The following AUTS2 variants were observed in gnomAD, a reference collection of about 807,000 sequenced individuals.
The protein encoded by AUTS2 is activator of transcription and developmental regulator AUTS2, also known as autism susceptibility gene 2 protein.
In AUTS2, 17 loss-of-function variants were observed where a neutral mutation model predicts 112.4. That is an observed-to-expected ratio of 0.15 (90% CI 0.10 to 0.23). The LOEUF is 0.23. AUTS2 is among the 10% of genes least tolerant of loss of function. The pLI is 1.00. For synonymous variants in AUTS2, 751 were observed against 702.7 expected, an observed-to-expected ratio of 1.07 and a Z score of -1.09; for missense variants, 1,510 against 1,701.6, an observed-to-expected ratio of 0.89 and a Z score of 1.98.
intron 1 of AUTS2, among the ~76,000 whole-genome samples, chr7:69,635,020 A>G (rs989775364): frequency 2.0e-5 from 3 of 147,920 alleles, no homozygotes; most frequent in Non-Finnish European, 4.5e-5. Flanking sequence ...TTTTCTTTTT[A>G]AAGAACTCAG....
intron 4 of AUTS2, among the ~76,000 whole-genome samples, chr7:70,328,199 C>T (rs760007072): frequency 2.0e-5 from 3 of 152,008 alleles, no homozygotes; most frequent in Non-Finnish European, 4.4e-5. Context: ...AACTAAAATA[C>T]AGGGGTGTTT....
chr7:69,936,182 C>T (rs1796402184), intron 2 of AUTS2, among the ~76,000 whole-genome samples: 1 of 152,174 alleles, frequency 6.6e-6, no homozygotes, highest in African/African-American at 2.4e-5. Flanking sequence ...CCACATTCAG[C>T]CAATAGCATA....
intron 6 of AUTS2, among the ~76,000 whole-genome samples, chr7:70,710,015 G>A (rs1442610030): frequency 1.3e-5 from 2 of 152,106 alleles, no homozygotes; most frequent in Admixed American, 6.5e-5. Context: ...AAGGTATTAC[G>A]GTATTAACCT....
chr7:69,973,006 AT>A (rs1797917537), intron 2 of AUTS2, among the ~76,000 whole-genome samples: 1 of 152,122 alleles, frequency 6.6e-6, no homozygotes, highest in African/African-American at 2.4e-5. Context: ...TTTGATAAGA[AT>A]TGTGTTAAAC....
intron 13 of AUTS2, among the ~76,000 whole-genome samples, chr7:70,776,049 A>G (rs540090471): frequency 3.9e-5 from 6 of 152,344 alleles, no homozygotes; most frequent in African/African-American, 1.2e-4. Context: ...TCCAGGGGAA[A>G]AAGGAGAATT....
At chr7:70,324,791 G>A (rs969894592) in intron 4 of AUTS2, among the ~76,000 whole-genome samples, 4 of 152,230 alleles carry the variant, frequency 2.6e-5, no homozygotes, top group Non-Finnish European at 5.9e-5. Flanking sequence ...AAAAGTTTGG[G>A]AATGGCACCT....
intron 2 of AUTS2, among the ~76,000 whole-genome samples, chr7:70,094,142 G>A (rs1034822659): frequency 2.6e-5 from 4 of 152,230 alleles, no homozygotes; most frequent in East Asian, 1.9e-4. Flanking sequence ...AACCAACTAC[G>A]AAAATTTGCA....
At chr7:70,292,911 C>T (rs1413295091) in intron 4 of AUTS2, 2 of 152,082 alleles carry the variant, frequency 1.3e-5, no homozygotes, top group African/African-American at 4.8e-5. Flanking sequence ...GTTAACAAAG[C>T]GCTGTCACAG....
At chr7:70,305,282 T>A (rs893138603) in intron 4 of AUTS2, among the ~76,000 whole-genome samples, 1 of 152,178 alleles carries the variant, frequency 6.6e-6, no homozygotes, top group Non-Finnish European at 1.5e-5. Flanking sequence ...GCTGTCACAT[T>A]TCACTCCATA....
intron 2 of AUTS2, among the ~76,000 whole-genome samples, chr7:69,926,820 GAT>G (rs1796034733): frequency 1.4e-5 from 2 of 144,008 alleles, no homozygotes; most frequent in African/African-American, 2.5e-5. Flanking sequence ...AGATATATAA[GAT>G]ATATAGTATA....
intron 2 of AUTS2, among the ~76,000 whole-genome samples, chr7:70,008,191 A>G (rs935114310): frequency 2.6e-5 from 4 of 152,128 alleles, no homozygotes; most frequent in Admixed American, 1.3e-4. Context: ...TGTTTTAAAT[A>G]TGTACATATT....
At chr7:70,074,724 A>C (rs1342107436) in intron 2 of AUTS2, among the ~76,000 whole-genome samples, 2 of 152,176 alleles carry the variant, frequency 1.3e-5, no homozygotes, top group African/African-American at 4.8e-5. Flanking sequence ...ATCATGGCAC[A>C]TGTAGAAAAT....
intron 4 of AUTS2, among the ~76,000 whole-genome samples, chr7:70,197,506 AGGG>A (rs1810247948): frequency 7.4e-6 from 1 of 134,482 alleles, no homozygotes; most frequent in Non-Finnish European, 1.6e-5. Flanking sequence ...GAGCCGAAGC[AGGG>A]CGAGGCATTG....
At chr7:70,786,114 C>T (rs1376692344) in intron 17 of AUTS2, 76 bp downstream of exon 17, 4 of 1,327,762 alleles carry the variant, frequency 3.0e-6, no homozygotes, top group Non-Finnish European at 4.3e-6. Flanking sequence ...CAAGACCTTT[C>T]TAGAGAAAAG....
At chr7:69,814,403 A>C (rs185382231) in intron 1 of AUTS2, among the ~76,000 whole-genome samples, 3 of 152,304 alleles carry the variant, frequency 2.0e-5, no homozygotes, top group African/African-American at 4.8e-5. Context: ...GTATTCACAA[A>C]AGCACTTTGT....
chr7:70,275,042 C>A (rs891024415), intron 4 of AUTS2, among the ~76,000 whole-genome samples: 1 of 152,080 alleles, frequency 6.6e-6, no homozygotes, highest in African/African-American at 2.4e-5. Context: ...ATCCATAGAA[C>A]AGAATATTGT....
chr7:69,885,399 A>G (rs1489754258), intron 1 of AUTS2, among the ~76,000 whole-genome samples: 1 of 152,080 alleles, frequency 6.6e-6, no homozygotes, highest in Non-Finnish European at 1.5e-5. Context: ...TTCTGTCTAG[A>G]TTTTTATTGA....
chr7:69,766,420 A>T (rs756125286), intron 1 of AUTS2, among the ~76,000 whole-genome samples: 1 of 152,210 alleles, frequency 6.6e-6, no homozygotes, highest in Non-Finnish European at 1.5e-5. Flanking sequence ...GGGTGTGCAA[A>T]TATGTTCTTG....
chr7:70,366,843 A>G (rs1407033726), intron 4 of AUTS2, among the ~76,000 whole-genome samples: 1 of 152,180 alleles, frequency 6.6e-6, no homozygotes, highest in African/African-American at 2.4e-5. Flanking sequence ...AGTATGTCCA[A>G]TACAGGGGGA....
Sources: allele counts gnomAD v4.1 joint callset (sites outside exome capture counted in the v4.1 genomes callset), GRCh38; gene constraint gnomAD v4.1.1; transcripts MANE v1.5; gene names NCBI Gene and HGNC (gene_info 2026-07-23, HGNC 2026-07-21).